CASP9: variants seen among roughly 807,000 people sequenced by gnomAD.
CASP9 encodes caspase-9.
A neutral mutation model predicts 43.5 loss-of-function variants in CASP9; 29 were observed. The ratio of observed to expected loss-of-function variants is 0.67; its 90% CI spans 0.50 to 0.91. The LOEUF (loss-of-function observed/expected upper bound fraction) is 0.91, where lower values mean the gene tolerates loss of function less well. CASP9 is among the 40% of genes least tolerant of loss of function. CASP9 has a pLI of 0.00. For synonymous variants in CASP9, 206 were observed against 211.9 expected, an observed-to-expected ratio of 0.97 and a Z score of 0.24; for missense variants, 575 against 537.4, an observed-to-expected ratio of 1.07 and a Z score of -0.69.
At chr1:15,497,324 A>G (rs375784719) in intron 6 of CASP9, among the ~76,000 whole-genome samples, 80 of 133,334 alleles carry the variant, frequency 6.0e-4, no homozygotes, top group East Asian at 1.7e-3. Context: ...AAAAAAAAAA[A>G]AAAGAAAGAA....
At chr1:15,521,079 C>T (rs572116981) in intron 1 of CASP9, among the ~76,000 whole-genome samples, 1 of 151,150 alleles carries the variant, frequency 6.6e-6, no homozygotes, top group East Asian at 1.9e-4. Flanking sequence ...ATGGCATGAA[C>T]CCGGGAGGCG....
At chr1:15,507,739 G>A in intron 3 of CASP9, 134 bp downstream of exon 3, 2 of 784,600 alleles carry the variant, frequency 2.5e-6, no homozygotes, top group Middle Eastern at 3.8e-4. Flanking sequence ...CAGGGAGGCT[G>A]AGACCAGACC....
At chr1:15,500,122 A>T (rs939371373) in intron 6 of CASP9, among the ~76,000 whole-genome samples, 5 of 132,298 alleles carry the variant, frequency 3.8e-5, no homozygotes, top group Admixed American at 7.1e-5. Context: ...AGCTTTGGTT[A>T]AAAAATATAA....
At chr1:15,509,460 C>CAAAAAAAAAA (rs563284288) in intron 2 of CASP9, among the ~76,000 whole-genome samples, 12 of 105,640 alleles carry the variant, frequency 1.1e-4, no homozygotes, top group Admixed American at 1.1e-4. Flanking sequence ...ACTAAAAATA[C>CAAAAAAAAAA]AAAAAAAAAA....
At position 15,517,636 on chromosome 1, in the gene CASP9, G is replaced by C. The variant is rs4646009; in HGVS notation, c.418+474C>G. 2.5e-3 allele frequency among the ~76,000 whole-genome samples: 385 copies of C among 152,236 alleles called. 4 individuals carry two copies. The highest frequency in any genetic ancestry group is 8.8e-3 in the African/African-American group (364 of 41,544). On this transcript the variant is annotated intron_variant, in intron 2 of 8. Transcript: ENST00000333868. The stretch of plus-strand genomic sequence containing the variant: ...TTCAGTCAGTTTCTCCATCAACAAG[G>C]ATGGGTCTAATGATACCTGCCTTGC...
chr1:15,524,051 AG>A lies in CASP9; in HGVS notation c.132+17del, dbSNP rs1392013515. 1 of 1,392,308 alleles carries A rather than the reference AG, an allele frequency of 7.2e-7. No homozygotes were observed. The allele number at this position is 1,392,308 out of a possible 1,614,324, so 86.2% of individuals were successfully genotyped here. A position where few individuals can be genotyped will look rare whatever the true frequency, so the allele number is the denominator to read the frequency against. On this transcript the variant is annotated intron_variant, in intron 1 of 8. Coordinates refer to ENST00000333868, the MANE Select transcript of CASP9 (RefSeq NM_001229.5). ...GGACCCGGCCGTGCAGCGCGGGGAC[AG>A]GGGGCCGGGGGCGCACCTGGATGTC... is the stretch of plus-strand genomic sequence containing the variant.
intron 7 of CASP9, 36 bp from the exon 8 acceptor site, chr1:15,494,037 C>A: frequency 6.5e-7 from 1 of 1,545,722 alleles, no homozygotes; most frequent in Non-Finnish European, 8.7e-7. Context: ...TGCTGGAGAG[C>A]CACCCCTCCG....
At chr1:15,518,038 C>T (rs1710020884) in intron 2 of CASP9, 72 bp downstream of exon 2, 1 of 1,504,562 alleles carries the variant, frequency 6.6e-7, no homozygotes, top group Non-Finnish European at 9.2e-7. Context: ...TCAGCCCACC[C>T]AGCTGTACTC....
At chr1:15,493,543 C>A (rs190470031) in intron 8 of CASP9, 323 of 1,400,478 alleles carry the variant, frequency 2.3e-4, no homozygotes, top group Non-Finnish European at 2.9e-4. Flanking sequence ...TACATGATGC[C>A]CACAGGATAT....
intron 2 of CASP9, among the ~76,000 whole-genome samples, chr1:15,513,989 G>A (rs1007939409): frequency 2.6e-5 from 4 of 152,122 alleles, no homozygotes; most frequent in African/African-American, 7.2e-5. Context: ...AACAATACCC[G>A]ACACACTTGA....
intron 6 of CASP9, 75 bp from the exon 7 acceptor site, chr1:15,495,527 T>C (rs1314143544): frequency 8.0e-7 from 1 of 1,256,034 alleles, no homozygotes; most frequent in African/African-American, 1.5e-5. Flanking sequence ...TGAAAGTCGG[T>C]GCAATATACT....
At chr1:15,523,094 C>T (rs1297784046) in intron 1 of CASP9, among the ~76,000 whole-genome samples, 3 of 152,204 alleles carry the variant, frequency 2.0e-5, no homozygotes, top group Admixed American at 2.0e-4. Flanking sequence ...TGATGAGGGT[C>T]AAATGAGACA....
chr1:15,493,952 G>C lies in CASP9; in HGVS notation c.1098C>G (p.Thr366=), dbSNP rs1348321059. The change falls in exon 8 of 9, where the codon ACC becomes ACG. Residue 366 remains threonine, a synonymous_variant. Coordinates refer to ENST00000333868, the MANE Select transcript of CASP9 (RefSeq NM_001229.5). ...CCCACTGCTCAAAGATGTCGTCCAGGGTCTCAACGTACCAGGAGCCACTCT... is the reference window on the plus strand; with the variant it reads ...CCCACTGCTCAAAGATGTCGTCCAGCGTCTCAACGTACCAGGAGCCACTCT... ...DPKSGSWYVE[T]LDDIFEQWAH... 1 of 1,604,892 alleles carries C rather than the reference G, an allele frequency of 6.2e-7. No individual in the cohort carries two copies. Among genetic ancestry groups the C allele is most frequent in the Non-Finnish European group, 8.5e-7 (1 of 1,175,446 alleles).
At chr1:15,500,819 T>G (rs1006502186) in intron 6 of CASP9, among the ~76,000 whole-genome samples, 3 of 142,908 alleles carry the variant, frequency 2.1e-5, no homozygotes, top group African/African-American at 8.1e-5. Flanking sequence ...GGGATGCCGT[T>G]AAGAATGGCC....
rs562098936 is a variant in CASP9 at position 15,506,513 on chromosome 1, C to T, written c.630+386G>A. 9.5e-4 allele frequency among the ~76,000 whole-genome samples: 145 copies of T among 152,090 alleles called. 2 individuals are homozygous for T. Among genetic ancestry groups the T allele is most frequent in the Middle Eastern group, 3.4e-3 (1 of 294 alleles). On this transcript the variant is annotated intron_variant, in intron 4 of 8. Transcript: ENST00000333868. The stretch of plus-strand genomic sequence containing the variant: ...GCCCAACCCAAACGCCTGGGCAGAG[C>T]ACTTTCTCGGTTTCCCAGGGCCAGT...
chr1:15,499,566 AT>A (rs1709243788), intron 6 of CASP9, among the ~76,000 whole-genome samples: 1 of 152,252 alleles, frequency 6.6e-6, no homozygotes, highest in African/African-American at 2.4e-5. Flanking sequence ...TCCTAAGAAA[AT>A]AATTCAAATG....
intron 2 of CASP9, among the ~76,000 whole-genome samples, chr1:15,515,053 C>T (rs994849055): frequency 6.6e-6 from 1 of 152,098 alleles, no homozygotes; most frequent in Non-Finnish European, 1.5e-5. Context: ...CTTACTATTG[C>T]TGTTGTTATT....
intron 6 of CASP9, among the ~76,000 whole-genome samples, chr1:15,500,250 A>C (rs1709271864): frequency 1.3e-5 from 2 of 152,218 alleles, no homozygotes; most frequent in Non-Finnish European, 2.9e-5. Context: ...CTCCTGGAGA[A>C]TGTGACTGTG....
At chr1:15,510,759 C>T (rs959835466) in intron 2 of CASP9, among the ~76,000 whole-genome samples, 2 of 152,060 alleles carry the variant, frequency 1.3e-5, no homozygotes, top group African/African-American at 4.8e-5. Flanking sequence ...TGGTCAGATA[C>T]AAGGTGCATG....
Sources: gnomAD v4.1 joint callset for allele counts (sites outside exome capture counted in the v4.1 genomes callset) on GRCh38, gnomAD v4.1.1 for gene constraint, MANE v1.5 for transcripts, NCBI Gene and HGNC (gene_info 2026-07-23, HGNC 2026-07-21) for gene names.